The following RGS7 variants were observed in gnomAD, a reference collection of about 807,000 sequenced individuals.
RGS7 encodes regulator of G protein signaling 7.
A neutral mutation model predicts 81.1 loss-of-function variants in RGS7; 27 were observed. The ratio of observed to expected loss-of-function variants is 0.33; its 90% CI spans 0.25 to 0.46. The LOEUF is 0.46. RGS7 is among the 20% of genes least tolerant of loss of function. The pLI, the probability that RGS7 is intolerant of heterozygous loss-of-function variation, is 1.00. For missense variants in RGS7, 396 were observed against 607.4 expected (o/e 0.65, Z 3.66); for synonymous variants, 208 against 207.7 (o/e 1.00, Z -0.01).
intron 2 of RGS7, among the ~76,000 whole-genome samples, chr1:241,132,550 C>T (rs558009663): frequency 2.0e-5 from 3 of 151,820 alleles, no homozygotes; most frequent in Admixed American, 1.3e-4. Context: ...AACCCCACAA[C>T]GAAATAATCA....
At chr1:240,938,520 C>T (rs1040638549) in intron 4 of RGS7, among the ~76,000 whole-genome samples, 1 of 152,118 alleles carries the variant, frequency 6.6e-6, no homozygotes, top group Non-Finnish European at 1.5e-5. Flanking sequence ...ACCCCTTACA[C>T]CTACATAAAT....
intron 3 of RGS7, among the ~76,000 whole-genome samples, chr1:241,061,645 T>A (rs2061743270): frequency 1.3e-5 from 2 of 150,950 alleles, no homozygotes. Context: ...CAGGGGAGAG[T>A]AGGGAACAGG....
chr1:241,014,814 A>G (rs572820558), intron 3 of RGS7, among the ~76,000 whole-genome samples: 2 of 152,222 alleles, frequency 1.3e-5, no homozygotes, highest in Non-Finnish European at 2.9e-5. Flanking sequence ...TCATTCCTGG[A>G]TCTGGTGATC....
intron 3 of RGS7, among the ~76,000 whole-genome samples, chr1:241,029,254 A>T (rs7522441): frequency 0.2 from 30,630 of 152,040 alleles, 4,035 homozygotes; most frequent in African/African-American, 0.36. Context: ...AGCAAAATAC[A>T]TTACACCCAC....
At chr1:241,033,110 C>T (rs1227635513) in intron 3 of RGS7, among the ~76,000 whole-genome samples, 2 of 152,200 alleles carry the variant, frequency 1.3e-5, no homozygotes, top group African/African-American at 2.4e-5. Flanking sequence ...AACCCCAGCA[C>T]TTTGGAAGGC....
chr1:241,015,120 G>A (rs2059156765), intron 3 of RGS7, among the ~76,000 whole-genome samples: 2 of 152,128 alleles, frequency 1.3e-5, no homozygotes. Context: ...TAAATCTAAA[G>A]TTGCACAGTT....
intron 2 of RGS7, among the ~76,000 whole-genome samples, chr1:241,321,058 G>T (rs1371634897): frequency 6.6e-6 from 1 of 152,144 alleles, no homozygotes; most frequent in Non-Finnish European, 1.5e-5. Context: ...ACTCACTACA[G>T]AAAGTATAGA....
rs1198218281 is a variant in RGS7 at position 240,868,720 on chromosome 1, C to G, written c.528-52G>C. On this transcript the variant is annotated intron_variant, in intron 8 of 18. Coordinates refer to ENST00000440928, the MANE Select transcript of RGS7 (RefSeq NM_001364886.1). The surrounding 1 kb of genome is among the most constrained non-coding windows in gnomAD (Gnocchi z 5.1). The stretch of plus-strand genomic sequence containing the variant: ...ATTTAGTATTAATTGTAGTGCCTCT[C>G]TGAACAAAAAGGCCACAACTGGAAC... 2 of 1,610,154 alleles carry G rather than the reference C, an allele frequency of 1.2e-6. No individual in the cohort carries two copies. Among genetic ancestry groups the G allele is most frequent in the East Asian group, 2.2e-5 (1 of 44,852 alleles).
In RGS7 at chr1:241,319,259, T is replaced by G. The variant is rs963203314; in HGVS notation, c.78+36440A>C. Among the ~76,000 whole-genome samples, 3 of 152,198 alleles carry G rather than the reference T, an allele frequency of 2.0e-5. No homozygotes were observed. In the East Asian group the frequency reaches 5.8e-4, roughly 29 times the overall value. On this transcript the variant is annotated intron_variant, in intron 2 of 18. Transcript: ENST00000440928. ...ACAATAAAAGCCATTAAATCATGAT[T>G]TATTACAAAAATGTGACTTGACTGA...
At chr1:241,301,998 T>G (rs1369267903) in intron 2 of RGS7, among the ~76,000 whole-genome samples, 2 of 152,184 alleles carry the variant, frequency 1.3e-5, no homozygotes, top group African/African-American at 2.4e-5. Flanking sequence ...GCACTGTGGA[T>G]CAGGAGTTCT....
chr1:241,056,244 G>C (rs1333368400), intron 3 of RGS7, among the ~76,000 whole-genome samples: 2 of 152,058 alleles, frequency 1.3e-5, no homozygotes, highest in Non-Finnish European at 2.9e-5. Context: ...TTGTATGTAT[G>C]CTTCTTTCTT....
chr1:240,811,521 A>G (rs1689852169), intron 14 of RGS7, among the ~76,000 whole-genome samples: 1 of 152,238 alleles, frequency 6.6e-6, no homozygotes, highest in Non-Finnish European at 1.5e-5. Flanking sequence ...CTTCTTCTCT[A>G]ACTTGCTTGA....
At chr1:240,999,912 T>C (rs1288835999) in intron 3 of RGS7, among the ~76,000 whole-genome samples, 2 of 152,110 alleles carry the variant, frequency 1.3e-5, no homozygotes, top group Non-Finnish European at 2.9e-5. Context: ...CTGATGAATG[T>C]TTTTTAAAAT....
At chr1:241,268,201 A>G (rs2077689581) in intron 2 of RGS7, among the ~76,000 whole-genome samples, 1 of 152,180 alleles carries the variant, frequency 6.6e-6, no homozygotes, top group Non-Finnish European at 1.5e-5. Context: ...CCTGCCATTC[A>G]GCATTCTGGG....
chr1:241,124,623 C>T (rs1300212590), intron 2 of RGS7, among the ~76,000 whole-genome samples: 1 of 152,166 alleles, frequency 6.6e-6, no homozygotes, highest in African/African-American at 2.4e-5. Context: ...TGGAAGCCAG[C>T]AGTAATGCTT....
intron 4 of RGS7, among the ~76,000 whole-genome samples, chr1:240,949,994 G>C (rs1017518906): frequency 1.1e-4 from 17 of 152,122 alleles, no homozygotes; most frequent in Admixed American, 2.6e-4. Flanking sequence ...ATTCAGAGAA[G>C]TAAAGTTGTA....
intron 2 of RGS7, among the ~76,000 whole-genome samples, chr1:241,183,918 G>A (rs559987052): frequency 4.3e-4 from 66 of 152,302 alleles, no homozygotes; most frequent in African/African-American, 1.5e-3. Flanking sequence ...ATTATCGTCA[G>A]GAAAGAGACA....
chr1:240,920,746 C>G, intron 6 of RGS7: 1 of 566,962 alleles, frequency 1.8e-6, no homozygotes, highest in Non-Finnish European at 3.3e-6. Context: ...ATGTTTTAGA[C>G]AAATACTCAC....
chr1:241,338,514 T>A (rs867726965), intron 2 of RGS7, among the ~76,000 whole-genome samples: 3 of 152,016 alleles, frequency 2.0e-5, no homozygotes, highest in Admixed American at 6.6e-5. Context: ...TCAAATATTT[T>A]AAAAAAATGT....
Sources: gnomAD v4.1 joint callset for allele counts (sites outside exome capture counted in the v4.1 genomes callset) on GRCh38, gnomAD v4.1.1 for gene constraint, Gnocchi (gnomAD v3.1) non-coding constraint, MANE v1.5 for transcripts, NCBI Gene and HGNC (gene_info 2026-07-23, HGNC 2026-07-21) for gene names.